AHR: variants seen among roughly 807,000 people sequenced by gnomAD.
AHR encodes the protein AH-receptor.
A neutral mutation model predicts 86.8 loss-of-function variants in AHR; 40 were observed. The ratio of observed to expected loss-of-function variants is 0.46; its 90% CI spans 0.36 to 0.60. The LOEUF (loss-of-function observed/expected upper bound fraction) is 0.60, where lower values mean the gene tolerates loss of function less well. Among genes scored for constraint, AHR ranks in the 20% least tolerant of loss-of-function variants. The probability of loss-of-function intolerance (pLI) is 0.00; values close to 1 mark genes in which losing one functional copy is unlikely to be tolerated. For synonymous variants in AHR, 398 were observed against 354.9 expected (o/e 1.12, Z -1.37); for missense variants, 1,001 against 1,011.6 (o/e 0.99, Z 0.14).
chr7:17,336,581 T>C (rs1220480557), intron 9 of AHR, among the ~76,000 whole-genome samples: 1 of 152,178 alleles, frequency 6.6e-6, no homozygotes, highest in Non-Finnish European at 1.5e-5. Flanking sequence ...TGAAAATCTG[T>C]TGAGATTTTG....
At chr7:17,326,039 G>A (rs1389786476) in intron 3 of AHR, among the ~76,000 whole-genome samples, 2 of 152,138 alleles carry the variant, frequency 1.3e-5, no homozygotes, top group African/African-American at 2.4e-5. Context: ...AAGTGAGTAC[G>A]CTTTGGAGCC....
intron 1 of AHR, among the ~76,000 whole-genome samples, chr7:17,305,971 G>T (rs1215003557): frequency 6.6e-6 from 1 of 152,122 alleles, no homozygotes. Context: ...CATGCAGTCA[G>T]CTGGAGTCTT....
chr7:17,328,851 C>G lies in AHR; in HGVS notation c.450+1003C>G, dbSNP rs537482399. Among the ~76,000 whole-genome samples the G allele has an allele frequency of 7.9e-5, 12 of 151,978 alleles. No individual in the cohort carries two copies. The South Asian group carries it at 2.5e-3, about 31-fold the overall frequency. ...GATTTAATACTAGAAGATTAGGTTC[C>G]TAGGAAGATTTAAGTGTAGATGACT... On this transcript the variant is annotated intron_variant, in intron 4 of 10. Coordinates refer to ENST00000242057, the MANE Select transcript of AHR (RefSeq NM_001621.5).
At chr7:17,304,669 A>G (rs149844610) in intron 1 of AHR, among the ~76,000 whole-genome samples, 115 of 152,228 alleles carry the variant, frequency 7.6e-4, no homozygotes, top group Non-Finnish European at 1.4e-3. Flanking sequence ...TGAGCAATAT[A>G]TTATGCTTGA....
At position 17,309,946 on chromosome 7, in the gene AHR, A is replaced by G; in HGVS notation, c.76A>G (p.Ile26Val). ...RKPVQKTVKP[I>V]PAEGIKSNPS... Reference sequence around the variant, plus strand: ...TTGTTTGTTTTTCAGAGTAAAGCCAATCCCAGCTGAAGGAATCAAGTCAAA... The same window carrying G: ...TTGTTTGTTTTTCAGAGTAAAGCCAGTCCCAGCTGAAGGAATCAAGTCAAA... The change falls in exon 2 of 11, where the codon ATC becomes GTC. Residue 26 changes from isoleucine to valine, a missense_variant. Around this residue, in one of 2 missense-constraint regions of AHR, gnomAD observed 394 missense variants for 468.5 expected, o/e 0.84. Transcript: ENST00000242057. 6.3e-7 allele frequency: 1 copy of G among 1,580,546 alleles called. No homozygotes were observed. The highest frequency in any genetic ancestry group is 8.7e-7 in the Non-Finnish European group (1 of 1,155,984).
In AHR at chr7:17,339,391, A is replaced by G. The variant is rs1292932860; in HGVS notation, c.1566A>G (p.Ser522=). 3 of 1,614,112 alleles carry G rather than the reference A, an allele frequency of 1.9e-6. No homozygotes were observed. The highest frequency in any genetic ancestry group is 2.2e-5 in the East Asian group (1 of 44,896). Residue 522 remains serine (S), a synonymous_variant, in exon 10 of 11, where the codon TCA becomes TCG. Transcript: ENST00000242057. ...EQIDQPQDVN[S]FAGGHPGLFQ... is the part of the protein sequence containing the mutation. ...TTGACCAGCCTCAGGATGTGAACTCATTTGCTGGAGGTCACCCAGGGCTCT... is the reference window on the plus strand; with the variant it reads ...TTGACCAGCCTCAGGATGTGAACTCGTTTGCTGGAGGTCACCCAGGGCTCT...
intron 2 of AHR, among the ~76,000 whole-genome samples, chr7:17,315,741 A>G (rs1782108602): frequency 1.3e-5 from 2 of 151,748 alleles, no homozygotes; most frequent in African/African-American, 4.8e-5. Context: ...GTGTTTTATA[A>G]AACATATTCA....
chr7:17,337,302 G>A (rs1782363647), intron 9 of AHR, among the ~76,000 whole-genome samples: 2 of 152,060 alleles, frequency 1.3e-5, no homozygotes, highest in Admixed American at 1.3e-4. Context: ...GTAATCCTAT[G>A]AAGAATACAT....
chr7:17,340,700 T>G (rs947350753), intron 10 of AHR, among the ~76,000 whole-genome samples: 19 of 152,192 alleles, frequency 1.2e-4, no homozygotes, highest in African/African-American at 4.6e-4. Flanking sequence ...AATTTAAGTG[T>G]GCTTTCTTAC....
Position 17,299,230 on chromosome 7 carries a change from G to T in AHR, c.-35G>T, listed in dbSNP as rs750446369. 10 of 1,605,562 alleles carry T rather than the reference G, an allele frequency of 6.2e-6. No individual in the cohort carries two copies. Among genetic ancestry groups the T allele is most frequent in the South Asian group, 4.4e-5 (4 of 90,346 alleles). ...GGGTTCCGGGGACCCGGCCGCCAGT[G>T]CCCGGGGAGTAGCCGCCGCCGTCGG... On this transcript the variant is annotated 5_prime_UTR_variant, in exon 1 of 11. Transcript: ENST00000242057.
intron 2 of AHR, among the ~76,000 whole-genome samples, chr7:17,314,582 T>C (rs918232284): frequency 1.3e-5 from 2 of 152,096 alleles, no homozygotes; most frequent in African/African-American, 4.8e-5. Context: ...CATCTTCAGC[T>C]TGTGCATTTC....
At chr7:17,310,637 C>T (rs1005931304) in intron 2 of AHR, among the ~76,000 whole-genome samples, 1 of 151,530 alleles carries the variant, frequency 6.6e-6, no homozygotes, top group Non-Finnish European at 1.5e-5. Context: ...CGGGTTCAAG[C>T]GATTCTCCTG....
chr7:17,314,062 G>T lies in AHR; in HGVS notation c.253+3939G>T, dbSNP rs1208680165. 3.3e-5 allele frequency among the ~76,000 whole-genome samples: 5 copies of T among 151,972 alleles called. No homozygotes were observed. In the East Asian group the frequency reaches 9.7e-4, roughly 29 times the overall value. On this transcript the variant is annotated intron_variant, in intron 2 of 10. Coordinates refer to ENST00000242057, the MANE Select transcript of AHR (RefSeq NM_001621.5). ...ATGCCCATTATTATGTAAATATTTT[G>T]TTCAAATTATTCTGTTTTTATACAG...
rs542527561 is a variant in AHR, at chr7:17,343,430, T to C, written c.*366T>C. On this transcript the variant is annotated 3_prime_UTR_variant, in exon 11 of 11. Coordinates refer to ENST00000242057, the MANE Select transcript of AHR (RefSeq NM_001621.5). ...TATTTCTGTCACAGTAAAAATAAAA[T>C]ACTTTGAGTTTTGAGCTACTGGATT... is the stretch of plus-strand genomic sequence containing the variant. 1 of 191,220 alleles carries C rather than the reference T, an allele frequency of 5.2e-6. No individual in the cohort carries two copies. The highest frequency in any genetic ancestry group is 1.1e-5 in the Non-Finnish European group (1 of 94,728). The allele number at this position is 191,220 out of a possible 1,614,324, so 11.8% of individuals were successfully genotyped here.
At position 17,343,169 on chromosome 7, in the gene AHR, C is replaced by A; in HGVS notation, c.*105C>A. 7.8e-7 allele frequency: 1 copy of A among 1,282,932 alleles called. No homozygotes were observed. The highest frequency in any genetic ancestry group is 1.1e-6 in the Non-Finnish European group (1 of 894,538). 79.5% of individuals were successfully genotyped at this position (1,282,932 alleles called of 1,614,324 possible). On this transcript the variant is annotated 3_prime_UTR_variant, in exon 11 of 11. Transcript: ENST00000242057. ...GGACGTCAGCAAGTTCACATGGAGG[C>A]ATTGATGCATGCTATTCACAATTAT...
rs767711567 is a variant in AHR at position 17,343,044 on chromosome 7, A to G, written c.2527A>G (p.Thr843Ala). The G allele has an allele frequency of 1.9e-6, 3 of 1,613,768 alleles. No homozygotes were observed. The highest frequency in any genetic ancestry group is 3.3e-5 in the Admixed American group (2 of 59,968). Residue 843 changes from threonine (T) to alanine (A), a missense_variant, in exon 11 of 11, where the codon ACA (threonine) becomes GCA (alanine). Around this residue, in one of 2 missense-constraint regions of AHR, gnomAD observed 607 missense variants for 543.1 expected, o/e 1.12. Transcript: ENST00000242057. ...PSEARPFPDL[T>A]SSGFL The stretch of plus-strand genomic sequence containing the variant: ...AGAAGCCAGACCTTTTCCTGATTTG[A>G]CATCCAGTGGATTCCTGTAATTCCA...
intron 2 of AHR, among the ~76,000 whole-genome samples, chr7:17,312,654 T>G (rs908501309): frequency 2.0e-5 from 3 of 152,224 alleles, no homozygotes; most frequent in Non-Finnish European, 4.4e-5. Flanking sequence ...TAAAAACTTT[T>G]TTCTCAGCTC....
At chr7:17,317,236 TAAAC>T (rs1562476877) in intron 2 of AHR, among the ~76,000 whole-genome samples, 1 of 151,610 alleles carries the variant, frequency 6.6e-6, no homozygotes, top group African/African-American at 2.4e-5. Flanking sequence ...AATTTGTTAA[TAAAC>T]TGTTTTTCCC....
intron 1 of AHR, among the ~76,000 whole-genome samples, chr7:17,300,091 T>C (rs1781939415): frequency 6.6e-6 from 1 of 152,216 alleles, no homozygotes. Flanking sequence ...TCTTAACATC[T>C]ACCTCTAATT....
Sources: allele counts gnomAD v4.1 joint callset (sites outside exome capture counted in the v4.1 genomes callset), GRCh38; gene constraint gnomAD v4.1.1; regional missense constraint gnomAD v4.1.1; transcripts MANE v1.5; gene names NCBI Gene and HGNC (gene_info 2026-07-23, HGNC 2026-07-21).